Variants in RABGAP1 observed in about 807,000 individuals in gnomAD.
RABGAP1 encodes the protein RAB GTPase activating protein 1, also known as rab GTPase-activating protein 1.
In RABGAP1, 23 loss-of-function variants were observed where a neutral mutation model predicts 137.6. The ratio of observed to expected loss-of-function variants is 0.17; its 90% CI spans 0.12 to 0.24. The LOEUF is 0.24. Among genes scored for constraint, RABGAP1 ranks in the 10% least tolerant of loss-of-function variants. RABGAP1 has a pLI of 1.00. For missense variants in RABGAP1, 906 were observed against 1,275.8 expected (o/e 0.71, Z 4.42); for synonymous variants, 451 against 450.7 (o/e 1.00, Z -0.01).
intron 6 of RABGAP1, among the ~76,000 whole-genome samples, chr9:122,992,292 G>A (rs1181271724): frequency 6.6e-6 from 1 of 152,136 alleles, no homozygotes; most frequent in East Asian, 1.9e-4. Flanking sequence ...ATTTACCTGG[G>A]CCTCCCAGAG....
At position 123,094,062 on chromosome 9, in the gene RABGAP1, C is replaced by G. The variant is rs560417919; in HGVS notation, c.2628+3677C>G. Among the ~76,000 whole-genome samples the G allele has an allele frequency of 2.4e-4, 37 of 152,172 alleles. 2 individuals are homozygous for G. The highest frequency in any genetic ancestry group is 1.5e-5 in the Non-Finnish European group (1 of 68,016). ...CATCTTCCAGTTGTGTATTGCTAGT[C>G]TCTAGAGATGCAGTTGGTCTTTGTG... On this transcript the variant is annotated intron_variant, in intron 21 of 25. Transcript: ENST00000373647.
chr9:123,096,346 G>C (rs2035183217), intron 21 of RABGAP1, among the ~76,000 whole-genome samples: 1 of 148,898 alleles, frequency 6.7e-6, no homozygotes. Context: ...GGAAAAAGAT[G>C]TACATACCAC....
intron 13 of RABGAP1, among the ~76,000 whole-genome samples, chr9:123,056,937 C>G (rs574473514): frequency 1.1e-3 from 163 of 152,362 alleles, no homozygotes; most frequent in East Asian, 0.01. Context: ...TCCCCCTTTT[C>G]TATTCCACAA....
intron 13 of RABGAP1, chr9:123,029,662 T>C (rs2032188911): frequency 7.1e-6 from 5 of 706,952 alleles, no homozygotes; most frequent in South Asian, 6.7e-5. Context: ...TTTCTTCTTT[T>C]TGGCCTTGCC....
At chr9:122,957,824 A>G (rs1243635191) in intron 2 of RABGAP1, among the ~76,000 whole-genome samples, 1 of 152,006 alleles carries the variant, frequency 6.6e-6, no homozygotes, top group Non-Finnish European at 1.5e-5. Flanking sequence ...TGTTCTAAGT[A>G]CTGGGGATAT....
intron 13 of RABGAP1, among the ~76,000 whole-genome samples, chr9:123,038,067 GT>G (rs1439808747): frequency 1.3e-5 from 2 of 152,196 alleles, no homozygotes; most frequent in African/African-American, 4.8e-5. Context: ...TGTTATATTT[GT>G]AAACTAGTTG....
At chr9:123,043,155 C>T (rs888303869) in intron 13 of RABGAP1, among the ~76,000 whole-genome samples, 2 of 151,994 alleles carry the variant, frequency 1.3e-5, no homozygotes, top group Non-Finnish European at 2.9e-5. Flanking sequence ...CGTACTTTCT[C>T]GGGAAGTTAC....
At chr9:123,090,218 A>T in intron 20 of RABGAP1, 57 bp from the exon 21 acceptor site, 1 of 1,379,630 alleles carries the variant, frequency 7.2e-7, no homozygotes, top group Non-Finnish European at 1.0e-6. Context: ...GCCCTGAGAA[A>T]TTTTCATTTC....
rs193202541 is a variant in RABGAP1 at position 122,963,440 on chromosome 9, A to G, written c.150+6231A>G. On this transcript the variant is annotated intron_variant, in intron 2 of 25. Coordinates refer to ENST00000373647, the MANE Select transcript of RABGAP1 (RefSeq NM_012197.4). Reference sequence around the variant, plus strand: ...GTGCACCCAAAGTATTAATCCAACCATAAGGGCAGGAAACTAGAAATCAGT... The same window carrying G: ...GTGCACCCAAAGTATTAATCCAACCGTAAGGGCAGGAAACTAGAAATCAGT... 5.9e-5 allele frequency among the ~76,000 whole-genome samples: 9 copies of G among 152,272 alleles called. No homozygotes were observed. In the East Asian group the frequency reaches 1.3e-3, roughly 23 times the overall value.
Position 123,070,342 on chromosome 9 carries a change from T to C in RABGAP1, c.1909-8T>C. On this transcript the variant is annotated splice_polypyrimidine_tract_variant and splice_region_variant and intron_variant, in intron 14 of 25. Transcript: ENST00000373647. The surrounding 1 kb of genome is among the most constrained non-coding windows in gnomAD (Gnocchi z 4.4). ...ATTTACATTTCCTCTGTGTGTTTTA[T>C]TTTCCAGGCTTATTCTGTGTATGAT... 1 of 1,613,862 alleles carries C rather than the reference T, an allele frequency of 6.2e-7. No homozygotes were observed. Among genetic ancestry groups the C allele is most frequent in the East Asian group, 2.2e-5 (1 of 44,878 alleles).
At chr9:123,102,996 G>C in intron 25 of RABGAP1, 95 bp from the exon 26 acceptor site, 3 of 1,484,872 alleles carry the variant, frequency 2.0e-6, no homozygotes, top group Non-Finnish European at 2.7e-6. Context: ...CCTCTCCAGA[G>C]TAAATAGACT....
intron 12 of RABGAP1, among the ~76,000 whole-genome samples, chr9:123,015,975 C>T (rs929071349): frequency 1.3e-5 from 2 of 152,048 alleles, no homozygotes; most frequent in South Asian, 2.1e-4. Flanking sequence ...AGGGTGTTCA[C>T]ACAATGCATA....
chr9:123,089,720 C>G (rs1410451560), intron 19 of RABGAP1, 38 bp from the exon 20 acceptor site: 3 of 1,559,414 alleles, frequency 1.9e-6, no homozygotes, highest in Non-Finnish European at 2.6e-6. Context: ...CCACTACTTT[C>G]TAATACTTCT....
intron 13 of RABGAP1, among the ~76,000 whole-genome samples, chr9:123,051,720 A>C (rs564208570): frequency 1.7e-3 from 264 of 151,888 alleles, no homozygotes; most frequent in African/African-American, 5.6e-3. Context: ...AATTTTAGTT[A>C]TAAGAGTCTA....
chr9:123,056,078 A>G (rs932594163), intron 13 of RABGAP1, among the ~76,000 whole-genome samples: 9 of 152,208 alleles, frequency 5.9e-5, no homozygotes, highest in Non-Finnish European at 8.8e-5. Flanking sequence ...CCATTTCTCC[A>G]AGGAGGGTTG....
At chr9:123,077,000 C>T (rs935143574) in intron 19 of RABGAP1, 3 of 146,708 alleles carry the variant, frequency 2.0e-5, no homozygotes, top group African/African-American at 3.1e-5. Context: ...AATGAAATCT[C>T]GTTGTCCCCC....
intron 1 of RABGAP1, among the ~76,000 whole-genome samples, chr9:122,942,256 A>G (rs1421322592): frequency 6.6e-6 from 1 of 152,250 alleles, no homozygotes; most frequent in East Asian, 1.9e-4. Context: ...GTTGGGAAAA[A>G]AAGCTTAGGT....
chr9:123,043,818 G>T (rs1288971900), intron 13 of RABGAP1, among the ~76,000 whole-genome samples: 2 of 152,026 alleles, frequency 1.3e-5, no homozygotes, highest in Non-Finnish European at 2.9e-5. Context: ...TGCCTCTAAG[G>T]AATAGGGTAT....
chr9:122,986,783 A>G (rs1836393199), intron 4 of RABGAP1, among the ~76,000 whole-genome samples: 1 of 152,214 alleles, frequency 6.6e-6, no homozygotes, highest in African/African-American at 2.4e-5. Context: ...TGAAAGTTAC[A>G]AAAATTTATT....
Sources: allele counts gnomAD v4.1 joint callset (sites outside exome capture counted in the v4.1 genomes callset), GRCh38; gene constraint gnomAD v4.1.1; non-coding constraint Gnocchi (gnomAD v3.1); transcripts MANE v1.5; gene names NCBI Gene and HGNC (gene_info 2026-07-23, HGNC 2026-07-21).